Variants in VWCE observed in about 807,000 individuals in gnomAD.
VWCE encodes the protein von Willebrand factor C and EGF domains, also known as von Willebrand factor C and EGF domain-containing protein.
Under a neutral mutation model 102.9 loss-of-function variants are expected in VWCE, and 68 were observed. The observed-to-expected ratio is 0.66, with a 90% CI of 0.54 to 0.81. The LOEUF is 0.81. Ranked by LOEUF, VWCE falls within the 30% of genes least tolerant of loss-of-function variation. The pLI, the probability that VWCE is intolerant of heterozygous loss-of-function variation, is 0.00. For missense variants in VWCE, 1,137 were observed against 1,263.6 expected, an observed-to-expected ratio of 0.90 and a Z score of 1.52; for synonymous variants, 497 against 515.4, an observed-to-expected ratio of 0.96 and a Z score of 0.48.
Position 61,280,631 on chromosome 11 carries a change from C to G in VWCE, c.1317G>C (p.Ser439=), listed in dbSNP as rs539285149. 158 of 1,614,006 alleles carry G rather than the reference C, an allele frequency of 9.8e-5. 3 individuals carry two copies. The South Asian group carries it at 1.7e-3, about 17-fold the overall frequency. Residue 439 remains serine (S), a synonymous_variant, in exon 9 of 20, where the codon TCG becomes TCC. Coordinates refer to ENST00000335613, the MANE Select transcript of VWCE (RefSeq NM_152718.2). ...CCTGGCACCAGCTCTCACCTGTGCA[C>G]GATGGGCAGCACCCACCATCTCTGG... is the stretch of plus-strand genomic sequence containing the variant. The part of the protein sequence containing the change: ...IPSRDGGCCP[S]CTGCFHSGVV...
chr11:61,274,584 A>G lies in VWCE; in HGVS notation c.1496T>C (p.Val499Ala), dbSNP rs1453069918. 2 of 1,610,060 alleles carry G rather than the reference A, an allele frequency of 1.2e-6. No homozygotes were observed. Among genetic ancestry groups the G allele is most frequent in the Non-Finnish European group, 8.5e-7 (1 of 1,176,798 alleles). The change falls in exon 12 of 20, where the codon GTG becomes GCG. Residue 499 changes from valine (V) to alanine (A), a missense_variant and splice_region_variant. Val to Ala is a moderately conservative substitution (Grantham distance 64). This residue lies in a region of VWCE where 212 missense variants were observed against 235.1 expected (regional missense o/e 0.90). Transcript: ENST00000335613. ...PQTDCCTCVP[V>A]RCYFHGRWYA... Reference sequence around the variant, plus strand: ...CCACCGGCCGTGGAAATAGCATCTCACTGCAGAGGAGAAAGGGAGAAGCAA... The same window carrying G: ...CCACCGGCCGTGGAAATAGCATCTCGCTGCAGAGGAGAAAGGGAGAAGCAA...
chr11:61,264,520 G>C lies in VWCE; in HGVS notation c.2197C>G (p.Leu733Val). The stretch of plus-strand genomic sequence containing the variant: ...GAAGAGCAGCAGTCCCCAGGAAGCA[G>C]GGCAGGGTCGGCACAGGCCCGCTGG... ...PCQRACADPA[L>V]LPGDCCSSCP... is the part of the protein sequence containing the mutation. Residue 733 changes from leucine to valine, a missense_variant, in exon 19 of 20, where the codon CTG becomes GTG. Leu to Val is a conservative substitution (Grantham distance 32). Transcript: ENST00000335613. The C allele has an allele frequency of 6.2e-7, 1 of 1,613,622 alleles. No homozygotes were observed. The highest frequency in any genetic ancestry group is 1.3e-5 in the African/African-American group (1 of 75,046).
At chr11:61,282,039 C>T (rs1855160391) in intron 6 of VWCE, 125 bp from the exon 7 acceptor site, 1 of 1,410,450 alleles carries the variant, frequency 7.1e-7, no homozygotes, top group Non-Finnish European at 9.4e-7. Flanking sequence ...CCATGCCTGC[C>T]CCGAGGTGCG....
Position 61,258,673 on chromosome 11 carries a change from C to A in VWCE, c.*2G>T. ...CAGAGTCTCCCGGACACAGTGACCT[C>A]CTTACATGGTGGACTCTTCCCCCCG... On this transcript the variant is annotated 3_prime_UTR_variant, in exon 20 of 20. Coordinates refer to ENST00000335613, the MANE Select transcript of VWCE (RefSeq NM_152718.2). 1 of 1,386,014 alleles carries A rather than the reference C, an allele frequency of 7.2e-7. No individual in the cohort carries two copies. The highest frequency in any genetic ancestry group is 2.3e-5 in the South Asian group (1 of 42,826). The allele number at this position is 1,386,014 out of a possible 1,614,324, so 85.9% of individuals were successfully genotyped here.
Position 61,273,265 on chromosome 11 carries a change from G to T in VWCE, c.1633C>A (p.Arg545=), listed in dbSNP as rs537353127. ...CCAGGGCCCAGCCGCCACTCTTCTCGGGGGCAGGCCAGCTCAGGGCAGGGC... is the reference window on the plus strand; with the variant it reads ...CCAGGGCCCAGCCGCCACTCTTCTCTGGGGCAGGCCAGCTCAGGGCAGGGC... The part of the protein sequence containing the change: ...FMPCPELACP[R]EEWRLGPGQC... The change falls in exon 13 of 20, where the codon CGA becomes AGA. Residue 545 remains arginine (R), a synonymous_variant. Coordinates refer to ENST00000335613, the MANE Select transcript of VWCE (RefSeq NM_152718.2). 2 of 1,613,806 alleles carry T rather than the reference G, an allele frequency of 1.2e-6. No individual in the cohort carries two copies. The highest frequency in any genetic ancestry group is 3.3e-5 in the Admixed American group (2 of 59,968).
At position 61,281,934 on chromosome 11, in the gene VWCE, C is replaced by T. The variant is rs1855156177; in HGVS notation, c.659-20G>A. ...TTACATCTGCGGGAGAGCCTCGCTG[C>T]GGACAGCTGCTTTGTTTGGGCTACG... On this transcript the variant is annotated intron_variant, in intron 6 of 19. Coordinates refer to ENST00000335613, the MANE Select transcript of VWCE (RefSeq NM_152718.2). The T allele has an allele frequency of 2.5e-6, 4 of 1,604,884 alleles. No individual in the cohort carries two copies. Among genetic ancestry groups the T allele is most frequent in the East Asian group, 2.2e-5 (1 of 44,564 alleles).
chr11:61,276,663 G>A lies in VWCE; in HGVS notation c.1425C>T (p.Cys475=), dbSNP rs2134789890. The change falls in exon 11 of 20, where the codon TGC becomes TGT. Residue 475 remains cysteine (C), a synonymous_variant. Transcript: ENST00000335613. Reference sequence around the variant, plus strand: ...GGCCAGAAGGACACTCAGGAGAGATGCAGGACACGTTTCCAGCCTGAGGAG... The same window carrying A: ...GGCCAGAAGGACACTCAGGAGAGATACAGGACACGTTTCCAGCCTGAGGAG... ...VCVCLAGNVS[C]ISPECPSGPC... 2 of 1,606,352 alleles carry A rather than the reference G, an allele frequency of 1.2e-6. No homozygotes were observed. The highest frequency in any genetic ancestry group is 1.7e-6 in the Non-Finnish European group (2 of 1,176,326).
intron 5 of VWCE, among the ~76,000 whole-genome samples, chr11:61,284,860 T>C (rs1003964387): frequency 6.6e-6 from 1 of 152,006 alleles, no homozygotes; most frequent in Non-Finnish European, 1.5e-5. Flanking sequence ...GGAGGATCGC[T>C]TGAACCCAGG....
chr11:61,283,721 T>G (rs527669200), intron 5 of VWCE, among the ~76,000 whole-genome samples: 13 of 152,352 alleles, frequency 8.5e-5, no homozygotes, highest in Admixed American at 6.5e-4. Context: ...TCTTGCCATC[T>G]TCCAAATGCA....
chr11:61,265,117 C>T lies in VWCE; in HGVS notation c.2056+5G>A, dbSNP rs1854472410. On this transcript the variant is annotated splice_donor_5th_base_variant and intron_variant, in intron 17 of 19. Transcript: ENST00000335613. The stretch of plus-strand genomic sequence containing the variant: ...CTGGCACGTGGGGCAGCTGGTCCCA[C>T]TCACCTCGGCACACGGGGCAGCACT... 1.2e-6 allele frequency: 2 copies of T among 1,610,652 alleles called. No homozygotes were observed. The highest frequency in any genetic ancestry group is 8.5e-7 in the Non-Finnish European group (1 of 1,178,250).
intron 19 of VWCE, among the ~76,000 whole-genome samples, chr11:61,262,540 G>A (rs984789395): frequency 6.6e-6 from 1 of 152,186 alleles, no homozygotes; most frequent in Non-Finnish European, 1.5e-5. Flanking sequence ...TAGACAGTCA[G>A]GGGACTAATA....
chr11:61,272,625 AAC>A (rs889387447), intron 13 of VWCE, among the ~76,000 whole-genome samples: 3 of 151,966 alleles, frequency 2.0e-5, no homozygotes, highest in Admixed American at 1.3e-4. Flanking sequence ...TACTACACAA[AAC>A]ACAGATACAC....
chr11:61,266,485 T>C (rs1854516835), intron 16 of VWCE, among the ~76,000 whole-genome samples: 1 of 151,994 alleles, frequency 6.6e-6, no homozygotes, highest in South Asian at 2.1e-4. Context: ...GAGGTCAAGG[T>C]TGCAGTGAGC....
At chr11:61,287,014 G>A (rs1360510036) in intron 4 of VWCE, among the ~76,000 whole-genome samples, 3 of 149,642 alleles carry the variant, frequency 2.0e-5, no homozygotes, top group Non-Finnish European at 4.4e-5. Context: ...GGAGAATGGC[G>A]TAAACCTGGG....
rs149087052 is a variant in VWCE at position 61,291,460 on chromosome 11, G to A, written c.205+22C>T. 82 of 1,559,532 alleles carry A rather than the reference G, an allele frequency of 5.3e-5. No individual in the cohort carries two copies. In the East Asian group the frequency reaches 1.9e-3, roughly 37 times the overall value. On this transcript the variant is annotated intron_variant, in intron 2 of 19. Transcript: ENST00000335613. ...ACACACTGCTGGAGGAGAAGACTTG[G>A]GGCACAGGGACAAGCACTTACGCAG...
Position 61,294,296 on chromosome 11 carries a change from G to A in VWCE, c.110+632C>T, listed in dbSNP as rs1855606313. Among the ~76,000 whole-genome samples the A allele has an allele frequency of 6.6e-6, 1 of 152,210 alleles. No homozygotes were observed. Among genetic ancestry groups the A allele is most frequent in the Non-Finnish European group, 1.5e-5 (1 of 68,022 alleles). On this transcript the variant is annotated intron_variant, in intron 1 of 19. Transcript: ENST00000335613. This position sits in a 1 kb window ranked among gnomAD's most constrained non-coding sequence, Gnocchi z 6.3. The stretch of plus-strand genomic sequence containing the variant: ...CCCGGAGGACGTGGCCGCGGGCCAG[G>A]CCGCCTGCTGACACAGTGTTCCCTA...
At chr11:61,283,056 A>G (rs1855193549) in intron 5 of VWCE, 151 bp from the exon 6 acceptor site, 2 of 705,970 alleles carry the variant, frequency 2.8e-6, no homozygotes, top group Admixed American at 4.1e-5. Context: ...GCCCACATCC[A>G]GTCCTAAATA....
chr11:61,264,846 G>C, intron 18 of VWCE, 110 bp downstream of exon 18: 1 of 1,205,794 alleles, frequency 8.3e-7, no homozygotes, highest in Non-Finnish European at 1.2e-6. Context: ...GCGGAGGATG[G>C]CAGGAGGATG....
At chr11:61,272,156 A>G (rs995960732) in intron 13 of VWCE, among the ~76,000 whole-genome samples, 1 of 151,052 alleles carries the variant, frequency 6.6e-6, no homozygotes, top group Non-Finnish European at 1.5e-5. Flanking sequence ...ATGCACATTT[A>G]CATACACACA....
Sources: allele counts gnomAD v4.1 joint callset (sites outside exome capture counted in the v4.1 genomes callset), GRCh38; gene constraint gnomAD v4.1.1; regional missense constraint gnomAD v4.1.1; non-coding constraint Gnocchi (gnomAD v3.1); transcripts MANE v1.5; gene names NCBI Gene and HGNC (gene_info 2026-07-23, HGNC 2026-07-21).